Variants in ZNF423 observed in about 807,000 individuals in gnomAD.
The protein encoded by ZNF423 is Ebf-associated zinc finger protein.
A neutral mutation model predicts 95.8 loss-of-function variants in ZNF423; 12 were observed. The ratio of observed to expected loss-of-function variants is 0.13; its 90% CI spans 0.08 to 0.20. The LOEUF is 0.20. ZNF423 is among the 10% of genes least tolerant of loss of function. ZNF423 has a pLI of 1.00. For missense variants in ZNF423, 1,316 were observed against 1,737.1 expected (o/e 0.76, Z 4.31); for synonymous variants, 749 against 711.9 (o/e 1.05, Z -0.83).
chr16:49,700,230 G>A (rs1255121304), intron 3 of ZNF423, among the ~76,000 whole-genome samples: 30 of 143,484 alleles, frequency 2.1e-4, no homozygotes, highest in African/African-American at 7.3e-4. Flanking sequence ...AGAAGAAGAA[G>A]AAGAAAAAAA....
intron 1 of ZNF423, among the ~76,000 whole-genome samples, chr16:49,833,821 G>A (rs186552154): frequency 1.4e-3 from 202 of 142,008 alleles, no homozygotes; most frequent in South Asian, 2.3e-3. Context: ...GTGCAGGGGG[G>A]CAGCAGGGCT....
chr16:49,822,148 G>A (rs898743019), intron 1 of ZNF423, among the ~76,000 whole-genome samples: 1 of 151,052 alleles, frequency 6.6e-6, no homozygotes, highest in African/African-American at 2.4e-5. Flanking sequence ...ATGACAACCC[G>A]TTTGCCTAAG....
chr16:49,688,923 C>G (rs1248865966), intron 3 of ZNF423, among the ~76,000 whole-genome samples: 1 of 152,162 alleles, frequency 6.6e-6, no homozygotes, highest in Non-Finnish European at 1.5e-5. Flanking sequence ...GGGCCAGTGG[C>G]TGTCCTCCAG....
chr16:49,769,361 A>G (rs541049946), intron 2 of ZNF423, among the ~76,000 whole-genome samples: 20 of 85,296 alleles, frequency 2.3e-4, no homozygotes, highest in African/African-American at 1.3e-3. Flanking sequence ...TCTCAAAAAA[A>G]AAAAGAAAAA....
At chr16:49,525,630 C>A in intron 5 of ZNF423, 136 bp from the exon 6 acceptor site, 1 of 1,243,190 alleles carries the variant, frequency 8.0e-7, no homozygotes. Context: ...GGACTGCAGA[C>A]ACCAAGACTC....
chr16:49,789,357 G>T, intron 2 of ZNF423, 130 bp downstream of exon 2: 1 of 772,172 alleles, frequency 1.3e-6, no homozygotes, highest in Non-Finnish European at 2.1e-6. Context: ...GTTGCATGGG[G>T]TAGTCTGGAT....
chr16:49,559,124 G>A (rs1289321584), intron 5 of ZNF423, among the ~76,000 whole-genome samples: 1 of 152,254 alleles, frequency 6.6e-6, no homozygotes, highest in African/African-American at 2.4e-5. Flanking sequence ...CACTCTGAAA[G>A]GCAGTTGTAT....
At chr16:49,710,723 G>A (rs2032517201) in intron 3 of ZNF423, among the ~76,000 whole-genome samples, 1 of 152,206 alleles carries the variant, frequency 6.6e-6, no homozygotes, top group African/African-American at 2.4e-5. Context: ...AACCCACCTG[G>A]GGAAGATTCT....
At position 49,753,823 on chromosome 16, in the gene ZNF423, G is replaced by A. The variant is rs1350366664; in HGVS notation, c.101-22852C>T. On this transcript the variant is annotated intron_variant, in intron 2 of 7. Transcript: ENST00000563137. ...AGGCGGGCGGATCACCTGAGGTCAG[G>A]AGTTCGAGACCAGCCTGGCCAACAT... Among the ~76,000 whole-genome samples the A allele has an allele frequency of 2.6e-5, 4 of 152,116 alleles. No individual in the cohort carries two copies. The East Asian group carries it at 7.7e-4, about 29-fold the overall frequency.
intron 5 of ZNF423, among the ~76,000 whole-genome samples, chr16:49,586,265 C>T (rs1272557126): frequency 6.8e-6 from 1 of 147,930 alleles, no homozygotes; most frequent in Non-Finnish European, 1.5e-5. Context: ...TAATTACCAC[C>T]TTTTTTTTTT....
chr16:49,595,389 T>A (rs1971150199), intron 5 of ZNF423, among the ~76,000 whole-genome samples: 1 of 152,190 alleles, frequency 6.6e-6, no homozygotes, highest in South Asian at 2.1e-4. Flanking sequence ...CAGCCCCTGA[T>A]CCTGCCTGAA....
chr16:49,522,486 G>A (rs553897765), intron 7 of ZNF423, among the ~76,000 whole-genome samples: 2 of 152,174 alleles, frequency 1.3e-5, no homozygotes, highest in African/African-American at 4.8e-5. Context: ...GCTTGGATAT[G>A]TCACATGGGC....
intron 5 of ZNF423, among the ~76,000 whole-genome samples, chr16:49,613,411 G>A (rs953666538): frequency 6.6e-6 from 1 of 152,224 alleles, no homozygotes; most frequent in Non-Finnish European, 1.5e-5. Context: ...TCAATGGAGA[G>A]GCTGGACAAT....
intron 2 of ZNF423, among the ~76,000 whole-genome samples, chr16:49,755,908 C>A (rs867179572): frequency 6.6e-6 from 1 of 152,160 alleles, no homozygotes. Context: ...AGACCCTGTG[C>A]TAGGGACCCG....
intron 3 of ZNF423, among the ~76,000 whole-genome samples, chr16:49,659,310 T>TC (rs1292584713): frequency 2.0e-5 from 3 of 152,198 alleles, no homozygotes; most frequent in African/African-American, 7.2e-5. Context: ...CAGGCTGATC[T>TC]CAAACTCCTG....
intron 3 of ZNF423, among the ~76,000 whole-genome samples, chr16:49,725,418 C>T (rs1029943728): frequency 4.6e-5 from 7 of 152,064 alleles, no homozygotes; most frequent in Admixed American, 1.3e-4. Flanking sequence ...ATGAAGACAG[C>T]GTCACCTTGG....
chr16:49,614,449 T>G (rs1425932178), intron 5 of ZNF423, among the ~76,000 whole-genome samples: 1 of 152,184 alleles, frequency 6.6e-6, no homozygotes, highest in East Asian at 1.9e-4. Context: ...CTCTTGGGAA[T>G]TTACCCCCAA....
In ZNF423 at chr16:49,646,574, C is replaced by CTTTT. The variant is rs71380366; in HGVS notation, c.302-7704_302-7701dup. ...TTATGGCACATTTTCTTTTCTTTTT[C>CTTTT]TTTTTTTTTTTTTTGAGAAGGAGTC... On this transcript the variant is annotated intron_variant, in intron 3 of 7. Coordinates refer to ENST00000563137, the MANE Select transcript of ZNF423 (RefSeq NM_001379286.1). Among the ~76,000 whole-genome samples, 19 of 118,010 alleles carry CTTTT rather than the reference C, an allele frequency of 1.6e-4. 1 individual carries two copies. Among genetic ancestry groups the CTTTT allele is most frequent in the East Asian group, 2.4e-4 (1 of 4,158 alleles). 77.4% of individuals were successfully genotyped at this position (118,010 alleles called of 152,430 possible).
At chr16:49,607,152 T>C (rs1385905887) in intron 5 of ZNF423, among the ~76,000 whole-genome samples, 6 of 151,106 alleles carry the variant, frequency 4.0e-5, no homozygotes, top group Admixed American at 4.0e-4. Context: ...TACTGAGTTG[T>C]TGTTTTGTTT....
Sources: allele counts gnomAD v4.1 joint callset (sites outside exome capture counted in the v4.1 genomes callset), GRCh38; gene constraint gnomAD v4.1.1; transcripts MANE v1.5; gene names NCBI Gene and HGNC (gene_info 2026-07-23, HGNC 2026-07-21).